USH2A: variants seen among roughly 807,000 people sequenced by gnomAD.
USH2A encodes the protein usherin.
In USH2A, 443 loss-of-function variants were observed where a neutral mutation model predicts 538.9. The observed-to-expected ratio is 0.82, with a 90% confidence interval of 0.76 to 0.89. The LOEUF (loss-of-function observed/expected upper bound fraction) is 0.89, where lower values mean the gene tolerates loss of function less well. Among genes scored for constraint, USH2A ranks in the 40% least tolerant of loss-of-function variants. The pLI is 0.00. For missense variants in USH2A, 6,633 were observed against 6,324.8 expected, an observed-to-expected ratio of 1.05 and a Z score of -1.65; for synonymous variants, 2,413 against 2,273.5, an observed-to-expected ratio of 1.06 and a Z score of -1.75.
intron 3 of USH2A, among the ~76,000 whole-genome samples, chr1:216,413,886 A>G (rs775612209): frequency 6.6e-6 from 1 of 152,124 alleles, no homozygotes; most frequent in Non-Finnish European, 1.5e-5. Context: ...CTTTGACACT[A>G]TTTGGGCTAT....
intron 46 of USH2A, among the ~76,000 whole-genome samples, chr1:215,838,466 A>G (rs1663590963): frequency 6.6e-6 from 1 of 152,218 alleles, no homozygotes; most frequent in Admixed American, 6.5e-5. Flanking sequence ...TGTTCTCTAA[A>G]TCTATAACTA....
At chr1:216,174,960 T>G in intron 21 of USH2A, 1 of 1,222,542 alleles carries the variant, frequency 8.2e-7, no homozygotes, top group Non-Finnish European at 1.0e-6. Context: ...TCAAGAAACA[T>G]GTCCTGGCAC....
intron 37 of USH2A, among the ~76,000 whole-genome samples, chr1:215,953,610 C>G (rs1666988359): frequency 6.6e-6 from 1 of 151,948 alleles, no homozygotes; most frequent in Admixed American, 6.6e-5. Flanking sequence ...CATAAAAACC[C>G]TAGAAGAAAA....
Position 216,325,302 on chromosome 1 carries a change from T to C in USH2A, c.1143+3A>G. ...TAATGTACACCTTATCGTTTCTCAT[T>C]ACCTGATACTGTCCATTTTCCAAAT... On this transcript the variant is annotated splice_donor_region_variant and intron_variant, in intron 6 of 71. Coordinates refer to ENST00000307340, the MANE Select transcript of USH2A (RefSeq NM_206933.4). The C allele has an allele frequency of 6.2e-7, 1 of 1,613,598 alleles. No homozygotes were observed. Among genetic ancestry groups the C allele is most frequent in the Non-Finnish European group, 8.5e-7 (1 of 1,179,790 alleles).
intron 3 of USH2A, among the ~76,000 whole-genome samples, chr1:216,398,599 A>G (rs1006719918): frequency 2.6e-5 from 4 of 152,044 alleles, no homozygotes; most frequent in Non-Finnish European, 5.9e-5. Flanking sequence ...ACACACATTC[A>G]TAGTTCCAGC....
rs778402811 is a variant in USH2A at position 215,647,765 on chromosome 1, G to A, written c.14583-35C>T. 4.4e-6 allele frequency: 7 copies of A among 1,607,410 alleles called. No individual in the cohort carries two copies. In the African/African-American group the frequency reaches 9.4e-5, roughly 21 times the overall value. ...GAATGGATACGTAGAGTCAAGACGG[G>A]TAATGGAATTAGTTTAACTCTCTCT... On this transcript the variant is annotated intron_variant, in intron 66 of 71. Coordinates refer to ENST00000307340, the MANE Select transcript of USH2A (RefSeq NM_206933.4).
At chr1:215,912,487 A>ATG (rs1558157951) in intron 38 of USH2A, among the ~76,000 whole-genome samples, 511 of 28,030 alleles carry the variant, frequency 0.018, 10 homozygotes, top group East Asian at 0.13. Context: ...GTATATATAT[A>ATG]TATGTGTATA....
intron 14 of USH2A, among the ~76,000 whole-genome samples, chr1:216,226,565 T>C (rs989573765): frequency 3.9e-5 from 6 of 152,302 alleles, no homozygotes; most frequent in African/African-American, 1.4e-4. Flanking sequence ...GTCCTGCATA[T>C]ACATAAAACT....
rs540701486 is a variant in USH2A, at chr1:215,639,004, C to A, written c.15052+151G>T. The stretch of plus-strand genomic sequence containing the variant: ...AAAAAAAACAACAACAAAAAAAAAA[C>A]AAAAAAAAAAACTCTGACAACACTT... On this transcript the variant is annotated intron_variant, in intron 69 of 71. Coordinates refer to ENST00000307340, the MANE Select transcript of USH2A (RefSeq NM_206933.4). 9.1e-3 allele frequency: 5,267 copies of A among 581,236 alleles called. 151 individuals carry two copies. Among genetic ancestry groups the A allele is most frequent in the African/African-American group, 0.084 (4,055 of 48,536 alleles). The allele number at this position is 581,236 out of a possible 1,614,324, so 36.0% of individuals were successfully genotyped here. A position where few individuals can be genotyped will look rare whatever the true frequency, so the allele number is the denominator to read the frequency against.
At position 215,885,914 on chromosome 1, in the gene USH2A, G is replaced by A. The variant is rs138171631; in HGVS notation, c.8223+2512C>T. 7.1e-3 allele frequency among the ~76,000 whole-genome samples: 1,079 copies of A among 152,172 alleles called. 4 individuals carry two copies. Among genetic ancestry groups the A allele is most frequent in the Non-Finnish European group, 0.011 (734 of 67,992 alleles). Reference sequence around the variant, plus strand: ...TTCCATATTTCTCTACACTCAATTTGTTCTTCTCCCCCAAGTCCTTATTAC... The same window carrying A: ...TTCCATATTTCTCTACACTCAATTTATTCTTCTCCCCCAAGTCCTTATTAC... On this transcript the variant is annotated intron_variant, in intron 41 of 71. Coordinates refer to ENST00000307340, the MANE Select transcript of USH2A (RefSeq NM_206933.4).
chr1:216,388,379 CAT>C (rs35354310), intron 3 of USH2A, among the ~76,000 whole-genome samples: 11,498 of 152,172 alleles, frequency 0.076, 1,199 homozygotes, highest in African/African-American at 0.23. Flanking sequence ...CCATGAATTG[CAT>C]ATGTTTTGGT....
intron 11 of USH2A, among the ~76,000 whole-genome samples, chr1:216,256,010 C>T (rs923473917): frequency 6.6e-6 from 1 of 152,026 alleles, no homozygotes; most frequent in Non-Finnish European, 1.5e-5. Flanking sequence ...TTATCTTGGA[C>T]AAAATTTCTA....
intron 61 of USH2A, among the ~76,000 whole-genome samples, chr1:215,700,401 C>T (rs1323567513): frequency 1.3e-5 from 2 of 152,110 alleles, no homozygotes; most frequent in African/African-American, 2.4e-5. Context: ...CCTCTTTGTA[C>T]CTCTGGTAGA....
chr1:215,634,647 ACT>A lies in USH2A; in HGVS notation c.15107_15108del (p.Glu5036ValfsTer141). Reference sequence around the variant, plus strand: ...ACTATGAACCACAGCTCGCTGTAGAACTCTGTGCTTTTGCTCCGCGATCCCTT... The same window carrying A: ...ACTATGAACCACAGCTCGCTGTAGAACTGTGCTTTTGCTCCGCGATCCCTT... ...KKKGSRSKST[E>X]FYSELWFIVL... On this transcript the variant is annotated frameshift_variant, in exon 70 of 72. Transcript: ENST00000307340. LOFTEE classifies it high-confidence loss of function. The A allele has an allele frequency of 6.2e-7, 1 of 1,614,108 alleles. No homozygotes were observed. Among genetic ancestry groups the A allele is most frequent in the Non-Finnish European group, 8.5e-7 (1 of 1,180,024 alleles).
Position 215,906,007 on chromosome 1 carries a change from C to T in USH2A, c.7301-5102G>A, listed in dbSNP as rs116275788. The stretch of plus-strand genomic sequence containing the variant: ...AGCAAGGGTTTTAAATTCTACTTTC[C>T]AGAATGGAAAATTAAAGTTCAGACA... On this transcript the variant is annotated intron_variant, in intron 38 of 71. Coordinates refer to ENST00000307340, the MANE Select transcript of USH2A (RefSeq NM_206933.4). Among the ~76,000 whole-genome samples the T allele has an allele frequency of 4.9e-3, 743 of 152,080 alleles. 6 individuals are homozygous for T. The highest frequency in any genetic ancestry group is 0.017 in the African/African-American group (707 of 41,498).
chr1:215,754,378 A>T (rs1660722085), intron 58 of USH2A, among the ~76,000 whole-genome samples: 2 of 152,170 alleles, frequency 1.3e-5, no homozygotes, highest in Admixed American at 1.3e-4. Flanking sequence ...TATTTATAGC[A>T]TTAGAACAAT....
At chr1:215,641,744 T>C (rs1656692379) in intron 67 of USH2A, among the ~76,000 whole-genome samples, 1 of 152,220 alleles carries the variant, frequency 6.6e-6, no homozygotes, top group Non-Finnish European at 1.5e-5. Context: ...AATCAATCCA[T>C]CTATTTCTGA....
At chr1:216,142,600 T>C (rs2033622860) in intron 21 of USH2A, among the ~76,000 whole-genome samples, 1 of 152,156 alleles carries the variant, frequency 6.6e-6, no homozygotes, top group African/African-American at 2.4e-5. Context: ...TGAAATTCCA[T>C]TTTCTCAGCT....
intron 61 of USH2A, among the ~76,000 whole-genome samples, chr1:215,718,308 G>A (rs781612731): frequency 2.2e-4 from 33 of 152,068 alleles, no homozygotes; most frequent in African/African-American, 4.6e-4. Context: ...TTCACTGTTC[G>A]GCATAATTAG....
Sources: gnomAD v4.1 joint callset for allele counts (sites outside exome capture counted in the v4.1 genomes callset) on GRCh38, gnomAD v4.1.1 for gene constraint, MANE v1.5 for transcripts, NCBI Gene and HGNC (gene_info 2026-07-23, HGNC 2026-07-21) for gene names.